The following AAMDC variants were observed in gnomAD, a reference collection of about 807,000 sequenced individuals.
The protein encoded by AAMDC is adipogenesis associated Mth938 domain containing, also known as mth938 domain-containing protein.
Under a neutral mutation model 15.5 loss-of-function variants are expected in AAMDC, and 16 were observed. The ratio of observed to expected loss-of-function variants is 1.03; its 90% CI spans 0.70 to 1.57. The LOEUF (loss-of-function observed/expected upper bound fraction) is 1.57, where lower values mean the gene tolerates loss of function less well. Ranked by LOEUF, AAMDC falls within the 40% of genes most tolerant of loss-of-function variation. The probability of loss-of-function intolerance (pLI) is 0.00; values close to 1 mark genes in which losing one functional copy is unlikely to be tolerated. For missense variants in AAMDC, 141 were observed against 144.9 expected (o/e 0.97, Z 0.14); for synonymous variants, 51 against 51.6 (o/e 0.99, Z 0.05).
At chr11:77,827,009 G>A (rs1949207244) in intron 1 of AAMDC, among the ~76,000 whole-genome samples, 1 of 152,104 alleles carries the variant, frequency 6.6e-6, no homozygotes. Context: ...GGAGGCTGAG[G>A]CAGGAGAATC....
At chr11:77,826,173 T>C (rs1327323039) in intron 1 of AAMDC, among the ~76,000 whole-genome samples, 1 of 151,882 alleles carries the variant, frequency 6.6e-6, no homozygotes, top group Non-Finnish European at 1.5e-5. Flanking sequence ...ACCAGCCTGG[T>C]CAACATGGTG....
rs192449213 is a variant in AAMDC, at chr11:77,842,852, C to T, written c.132+224C>T. Among the ~76,000 whole-genome samples the T allele has an allele frequency of 4.4e-4, 67 of 152,316 alleles. 2 individuals are homozygous for T. The highest frequency in any genetic ancestry group is 2.9e-5 in the Non-Finnish European group (2 of 68,022). On this transcript the variant is annotated intron_variant, in intron 2 of 3. Coordinates refer to ENST00000393427, the MANE Select transcript of AAMDC (RefSeq NM_024684.4). ...GACTTACATTCATAAACTTGTACAA[C>T]AGTTACCACTGTTAGTTCCAGAATA...
At chr11:77,875,198 G>C (rs1475901406), downstream of AAMDC, among the ~76,000 whole-genome samples, 1 of 152,166 alleles carries the variant, frequency 6.6e-6, no homozygotes, top group African/African-American at 2.4e-5. Context: ...TGCTACCTTT[G>C]CTCTGGAGAC....
chr11:77,896,274 T>A (rs1354687103), intron 5 of AAMDC, among the ~76,000 whole-genome samples: 1 of 151,692 alleles, frequency 6.6e-6, no homozygotes. Flanking sequence ...ATAAAACACA[T>A]AATAATGAAA....
In AAMDC at chr11:77,872,199, C is replaced by T. The variant is rs764930310; in HGVS notation, c.253C>T (p.Leu85Phe). ...LKVPSSTVEY[L>F]KKHGIDVRVL... ...GGTGCCTTCATCAACTGTGGAGTACCTCAAGAAACATGGCATTGATGTGCG... is the reference window on the plus strand; with the variant it reads ...GGTGCCTTCATCAACTGTGGAGTACTTCAAGAAACATGGCATTGATGTGCG... The change falls in exon 4 of 4, where the codon CTC becomes TTC. Residue 85 changes from leucine (L) to phenylalanine (F), a missense_variant. Leu to Phe is a conservative substitution (Grantham distance 22, BLOSUM62 0). Coordinates refer to ENST00000393427, the MANE Select transcript of AAMDC (RefSeq NM_024684.4). The T allele has an allele frequency of 1.9e-6, 3 of 1,613,580 alleles. No individual in the cohort carries two copies. The highest frequency in any genetic ancestry group is 1.7e-5 in the Admixed American group (1 of 59,958).
chr11:77,854,925 A>G (rs1359380124), intron 2 of AAMDC, among the ~76,000 whole-genome samples: 1 of 152,144 alleles, frequency 6.6e-6, no homozygotes, highest in Non-Finnish European at 1.5e-5. Flanking sequence ...CATCCTCTAA[A>G]AACTAGGCAG....
At chr11:77,905,359 A>G (rs1952914778), downstream of AAMDC, among the ~76,000 whole-genome samples, 1 of 151,998 alleles carries the variant, frequency 6.6e-6, no homozygotes, top group African/African-American at 2.4e-5. Context: ...TGGGAGACTG[A>G]GACAGGAGAA....
intron 5 of AAMDC, among the ~76,000 whole-genome samples, chr11:77,897,373 A>G (rs1329364634): frequency 1.3e-5 from 2 of 151,468 alleles, no homozygotes; most frequent in Non-Finnish European, 2.9e-5. Flanking sequence ...AATTAAAAAT[A>G]AAAATAAAGA....
intron 1 of AAMDC, among the ~76,000 whole-genome samples, chr11:77,841,942 C>T (rs1229456557): frequency 6.6e-6 from 1 of 152,184 alleles, no homozygotes; most frequent in African/African-American, 2.4e-5. Context: ...TGTTCATTTT[C>T]ATGTTCTGCC....
chr11:77,903,547 G>A (rs746244022), downstream of AAMDC: 73 of 1,613,566 alleles, frequency 4.5e-5, no homozygotes, highest in Non-Finnish European at 5.1e-5. Flanking sequence ...TACCTGTTTC[G>A]CTGCTGCTGA....
chr11:77,838,218 C>CT (rs367696489), intron 1 of AAMDC, among the ~76,000 whole-genome samples: 26,727 of 152,106 alleles, frequency 0.18, 2,815 homozygotes, highest in Non-Finnish European at 0.24. Context: ...AAGATGTAGA[C>CT]TGTGACTGTT....
chr11:77,872,172 CA>C lies in AAMDC; in HGVS notation c.229-2del. 6.2e-7 allele frequency: 1 copy of C among 1,611,648 alleles called. No individual in the cohort carries two copies. Among genetic ancestry groups the C allele is most frequent in the Non-Finnish European group, 8.5e-7 (1 of 1,179,054 alleles). The stretch of plus-strand genomic sequence containing the variant: ...CTTACTCATCTCTTTTCCACCTTCC[CA>C]GGTGCCTTCATCAACTGTGGAGTAC... On this transcript the variant is annotated splice_acceptor_variant, in intron 3 of 3. Transcript: ENST00000393427. LOFTEE classifies it high-confidence loss of function.
At chr11:77,904,398 AT>A (rs1037825403), downstream of AAMDC, among the ~76,000 whole-genome samples, 25 of 152,224 alleles carry the variant, frequency 1.6e-4, no homozygotes, top group Non-Finnish European at 3.1e-4. Flanking sequence ...GACTAAGTTA[AT>A]TTTTTAAAAA....
intron 2 of AAMDC, among the ~76,000 whole-genome samples, chr11:77,863,482 G>C (rs1198062203): frequency 1.3e-5 from 2 of 152,210 alleles, no homozygotes; most frequent in Non-Finnish European, 2.9e-5. Context: ...AAGGTAGCCT[G>C]CGTTTAAGCA....
At chr11:77,849,208 T>G (rs1262088579) in intron 2 of AAMDC, among the ~76,000 whole-genome samples, 1 of 151,802 alleles carries the variant, frequency 6.6e-6, no homozygotes, top group Non-Finnish European at 1.5e-5. Flanking sequence ...GGCTAATTTT[T>G]TATTTTTTAT....
chr11:77,854,604 G>A (rs1950534862), intron 2 of AAMDC, among the ~76,000 whole-genome samples: 1 of 152,216 alleles, frequency 6.6e-6, no homozygotes, highest in African/African-American at 2.4e-5. Context: ...GCAAGGGGTG[G>A]GTTCCCAAGG....
chr11:77,880,924 AAAACAAAC>A (rs532440350), intron 5 of AAMDC, among the ~76,000 whole-genome samples: 7 of 152,258 alleles, frequency 4.6e-5, no homozygotes, highest in African/African-American at 1.7e-4. Flanking sequence ...ACCCTGTCTC[AAAACAAAC>A]AAACAAACAA....
At chr11:77,854,078 C>T (rs1950511788) in intron 2 of AAMDC, among the ~76,000 whole-genome samples, 1 of 150,786 alleles carries the variant, frequency 6.6e-6, no homozygotes, top group South Asian at 2.1e-4. Context: ...GCAACCTCCA[C>T]CTCCCAGGTT....
intron 5 of AAMDC, among the ~76,000 whole-genome samples, chr11:77,897,575 A>G (rs1368285622): frequency 6.6e-6 from 1 of 151,174 alleles, no homozygotes; most frequent in African/African-American, 2.4e-5. Context: ...ATCTCAGCTC[A>G]CTGCAAGCTC....
Sources: gnomAD v4.1 joint callset for allele counts (sites outside exome capture counted in the v4.1 genomes callset) on GRCh38, gnomAD v4.1.1 for gene constraint, MANE v1.5 for transcripts, NCBI Gene and HGNC (gene_info 2026-07-23, HGNC 2026-07-21) for gene names.